The following DTWD2 variants were observed in gnomAD, a reference collection of about 807,000 sequenced individuals.
DTWD2 encodes the protein tRNA-uridine aminocarboxypropyltransferase 2.
Under a neutral mutation model 31.8 loss-of-function variants are expected in DTWD2, and 39 were observed. The observed-to-expected ratio is 1.22, with a 90% CI of 0.95 to 1.60. DTWD2 has a LOEUF of 1.60. DTWD2 is among the 40% of genes most tolerant of loss of function. The probability of loss-of-function intolerance (pLI) is 0.00; values close to 1 mark genes in which losing one functional copy is unlikely to be tolerated. For synonymous variants in DTWD2, 180 were observed against 142.8 expected (o/e 1.26, Z -1.86); for missense variants, 515 against 381.5 (o/e 1.35, Z -2.92).
intron 4 of DTWD2, among the ~76,000 whole-genome samples, chr5:118,861,283 T>A (rs1752254589): frequency 6.6e-6 from 1 of 152,224 alleles, no homozygotes. Context: ...GATTGAAGTT[T>A]ATGATTAGAG....
chr5:118,877,608 T>C (rs1752650808), intron 4 of DTWD2, among the ~76,000 whole-genome samples: 1 of 151,952 alleles, frequency 6.6e-6, no homozygotes, highest in South Asian at 2.1e-4. Flanking sequence ...GAGGGAAGTA[T>C]ACCCCTTGAA....
chr5:118,846,426 T>G (rs1288263820), intron 5 of DTWD2, among the ~76,000 whole-genome samples: 10 of 152,130 alleles, frequency 6.6e-5, no homozygotes, highest in Admixed American at 6.6e-4. Context: ...GAGATATAAG[T>G]CCACAGAGAA....
intron 4 of DTWD2, among the ~76,000 whole-genome samples, chr5:118,870,838 T>G (rs1478087220): frequency 6.6e-6 from 1 of 152,006 alleles, no homozygotes; most frequent in Non-Finnish European, 1.5e-5. Flanking sequence ...ACAGGAGAAC[T>G]TCTTTTTTTC....
chr5:118,925,270 C>T (rs958866309), intron 4 of DTWD2, among the ~76,000 whole-genome samples: 4 of 151,698 alleles, frequency 2.6e-5, no homozygotes, highest in Non-Finnish European at 4.4e-5. Context: ...CCAAGTATAC[C>T]AAAAAATAAA....
chr5:118,936,474 A>T (rs998995582), intron 3 of DTWD2, among the ~76,000 whole-genome samples: 9 of 152,094 alleles, frequency 5.9e-5, no homozygotes, highest in Non-Finnish European at 1.3e-4. Flanking sequence ...CTGTCTAAAA[A>T]AAAAAAGGAA....
At chr5:118,867,377 T>A (rs576998014) in intron 4 of DTWD2, among the ~76,000 whole-genome samples, 1 of 152,240 alleles carries the variant, frequency 6.6e-6, no homozygotes, top group South Asian at 2.1e-4. Flanking sequence ...AAAAAACTCC[T>A]TACAACTATA....
chr5:118,853,722 A>T (rs1283169460), intron 4 of DTWD2, among the ~76,000 whole-genome samples: 1 of 152,134 alleles, frequency 6.6e-6, no homozygotes, highest in African/African-American at 2.4e-5. Context: ...TAAAGATAGG[A>T]CCCACAGACA....
chr5:118,983,710 C>A (rs1170232558), intron 1 of DTWD2, among the ~76,000 whole-genome samples: 1 of 152,184 alleles, frequency 6.6e-6, no homozygotes, highest in Non-Finnish European at 1.5e-5. Context: ...GGTGATAATA[C>A]CTACTGTGCA....
intron 1 of DTWD2, among the ~76,000 whole-genome samples, chr5:118,968,800 G>C (rs534012553): frequency 1.4e-4 from 22 of 152,320 alleles, no homozygotes; most frequent in Admixed American, 9.1e-4. Context: ...TAGGAAGGGG[G>C]CTGAATCCAG....
At chr5:118,958,877 G>A (rs1382817173) in intron 1 of DTWD2, among the ~76,000 whole-genome samples, 1 of 152,120 alleles carries the variant, frequency 6.6e-6, no homozygotes, top group Admixed American at 6.6e-5. Flanking sequence ...ATGCAGAAAA[G>A]GCTTTCAATA....
At position 118,869,310 on chromosome 5, in the gene DTWD2, T is replaced by C. The variant is rs960197126; in HGVS notation, c.598-21092A>G. 2.6e-5 allele frequency among the ~76,000 whole-genome samples: 4 copies of C among 152,084 alleles called. No individual in the cohort carries two copies. In the East Asian group the frequency reaches 5.8e-4, roughly 22 times the overall value. On this transcript the variant is annotated intron_variant, in intron 4 of 5. Transcript: ENST00000510708. ...GAAAATAGCTGGTGAGTGGATGGGA[T>C]CTGATTGGTAGAAATGAAGTCAACC...
At chr5:118,940,770 G>A (rs1754161160) in intron 2 of DTWD2, among the ~76,000 whole-genome samples, 1 of 152,110 alleles carries the variant, frequency 6.6e-6, no homozygotes, top group South Asian at 2.1e-4. Flanking sequence ...TTGAACTCAG[G>A]CAGTCTAGCT....
chr5:118,894,531 A>C (rs1027912083), intron 4 of DTWD2, among the ~76,000 whole-genome samples: 10 of 152,174 alleles, frequency 6.6e-5, no homozygotes, highest in African/African-American at 2.4e-4. Flanking sequence ...AGGAAAAAGA[A>C]CCCAAAAATA....
chr5:118,917,519 G>A (rs1753605908), intron 4 of DTWD2, among the ~76,000 whole-genome samples: 1 of 152,192 alleles, frequency 6.6e-6, no homozygotes. Flanking sequence ...CCAAGACTGG[G>A]CAATTTATAA....
chr5:118,912,225 G>C (rs1347172919), intron 4 of DTWD2, among the ~76,000 whole-genome samples: 1 of 152,146 alleles, frequency 6.6e-6, no homozygotes, highest in East Asian at 1.9e-4. Flanking sequence ...CTATAGCCTA[G>C]AGCCTAGATT....
chr5:118,853,021 T>G (rs893518412), intron 4 of DTWD2, among the ~76,000 whole-genome samples: 2 of 152,114 alleles, frequency 1.3e-5, no homozygotes, highest in Non-Finnish European at 2.9e-5. Flanking sequence ...TGGGTACACA[T>G]GGGCATAAAG....
At position 118,838,332 on chromosome 5, in the gene DTWD2, A is replaced by G. The variant is rs1162564586; in HGVS notation, c.*2585T>C. The stretch of plus-strand genomic sequence containing the variant: ...CGATCTACACAACATCAAAGTGCAG[A>G]TGGGGTACACAAGTAAAACCTACTA... On this transcript the variant is annotated 3_prime_UTR_variant, in exon 6 of 6. Coordinates refer to ENST00000510708, the MANE Select transcript of DTWD2 (RefSeq NM_173666.4). 1 of 152,244 alleles carries G rather than the reference A, an allele frequency of 6.6e-6. No homozygotes were observed. 9.4% of individuals were successfully genotyped at this position (152,244 alleles called of 1,614,324 possible).
chr5:118,970,469 T>C (rs1006198946), intron 1 of DTWD2, among the ~76,000 whole-genome samples: 2 of 151,948 alleles, frequency 1.3e-5, no homozygotes, highest in African/African-American at 4.8e-5. Context: ...GAACAAAAAC[T>C]CTGAGAAATA....
Position 118,904,319 on chromosome 5 carries a change from A to G in DTWD2, c.597+24218T>C, listed in dbSNP as rs1233435488. On this transcript the variant is annotated intron_variant, in intron 4 of 5. Transcript: ENST00000510708. Reference sequence around the variant, plus strand: ...ATATTCACTAACATATACCAATAACATCCTCAGTGTCTAATAAAAAGAATA... The same window carrying G: ...ATATTCACTAACATATACCAATAACGTCCTCAGTGTCTAATAAAAAGAATA... Among the ~76,000 whole-genome samples the G allele has an allele frequency of 2.6e-5, 4 of 152,140 alleles. No homozygotes were observed. In the South Asian group the frequency reaches 8.3e-4, roughly 32 times the overall value.
Sources: allele counts gnomAD v4.1 joint callset (sites outside exome capture counted in the v4.1 genomes callset), GRCh38; gene constraint gnomAD v4.1.1; transcripts MANE v1.5; gene names NCBI Gene and HGNC (gene_info 2026-07-23, HGNC 2026-07-21).